Variants in HDHD5 observed in about 807,000 individuals in gnomAD.
HDHD5 encodes haloacid dehalogenase-like hydrolase domain-containing 5.
In HDHD5, 34 loss-of-function variants were observed where a neutral mutation model predicts 35.5. The ratio of observed to expected loss-of-function variants is 0.96; its 90% confidence interval spans 0.73 to 1.28. HDHD5 has a LOEUF of 1.28. Ranked by LOEUF, HDHD5 falls within the 50% of genes most tolerant of loss-of-function variation. The probability of loss-of-function intolerance (pLI) is 0.00; values close to 1 mark genes in which losing one functional copy is unlikely to be tolerated. For missense variants in HDHD5, 589 were observed against 560.2 expected (o/e 1.05, Z -0.52); for synonymous variants, 248 against 240.6 (o/e 1.03, Z -0.29).
At chr22:17,147,455 G>A (rs174792) in intron 3 of HDHD5, among the ~76,000 whole-genome samples, 2 of 104,952 alleles carry the variant, frequency 1.9e-5, no homozygotes, top group Non-Finnish European at 3.8e-5. Flanking sequence ...ACATGCCATC[G>A]CACACGCTCC....
At chr22:17,157,115 A>ACACACACACACACACAC (rs1244963563) in intron 1 of HDHD5, among the ~76,000 whole-genome samples, 1 of 80,962 alleles carries the variant, frequency 1.2e-5, no homozygotes, top group African/African-American at 4.5e-5. Context: ...CACACACACA[A>ACACACACACACACACAC]AAGAAAAAAG....
chr22:17,141,435 A>T (rs1601379821), intron 5 of HDHD5: 2 of 1,358,368 alleles, frequency 1.5e-6, no homozygotes, highest in Non-Finnish European at 1.9e-6. Context: ...CAGGAAGGAG[A>T]TTCCTGAGGG....
intron 1 of HDHD5, among the ~76,000 whole-genome samples, chr22:17,155,026 G>A (rs1486331632): frequency 6.6e-6 from 1 of 152,144 alleles, no homozygotes; most frequent in Non-Finnish European, 1.5e-5. Context: ...ACAAAAAAAG[G>A]AGGAGGGAGA....
At position 17,146,173 on chromosome 22, in the gene HDHD5, C is replaced by T. The variant is rs1279621924; in HGVS notation, c.444-1056G>A. The stretch of plus-strand genomic sequence containing the variant: ...TGTTCTTTCCTTCCTCTCCCTATCC[C>T]ATTCCCAACCTCCTACTTCCCCTGC... On this transcript the variant is annotated intron_variant, in intron 3 of 7. Coordinates refer to ENST00000336737, the MANE Select transcript of HDHD5 (RefSeq NM_033070.3). Among the ~76,000 whole-genome samples, 3 of 152,080 alleles carry T rather than the reference C, an allele frequency of 2.0e-5. No homozygotes were observed. The East Asian group carries it at 5.8e-4, about 29-fold the overall frequency.
chr22:17,149,206 G>GACAGCACTCCTTCAGGTGC (rs2123865864), intron 2 of HDHD5, among the ~76,000 whole-genome samples: 1 of 152,298 alleles, frequency 6.6e-6, no homozygotes, highest in Admixed American at 6.5e-5. Context: ...GGCTGAGGAG[G>GACAGCACTCCTTCAGGTGC]ACAGCACTCC....
chr22:17,152,554 T>C (rs369046544), intron 1 of HDHD5, among the ~76,000 whole-genome samples: 6 of 151,924 alleles, frequency 3.9e-5, no homozygotes, highest in Middle Eastern at 3.2e-3. Context: ...CGAGAGGTCA[T>C]TGGAGGATAC....
At chr22:17,141,311 A>G in intron 5 of HDHD5, 78 bp from the exon 6 acceptor site, 1 of 1,500,564 alleles carries the variant, frequency 6.7e-7, no homozygotes, top group Non-Finnish European at 8.8e-7. Context: ...AGCTAGGGCT[A>G]CCCATCCACA....
intron 6 of HDHD5, among the ~76,000 whole-genome samples, chr22:17,139,445 T>C (rs933286625): frequency 6.6e-6 from 1 of 151,716 alleles, no homozygotes; most frequent in Admixed American, 6.6e-5. Context: ...GGAGAATCAC[T>C]TGAACCCGGG....
chr22:17,140,578 C>T (rs2123849474), intron 6 of HDHD5, among the ~76,000 whole-genome samples: 1 of 152,246 alleles, frequency 6.6e-6, no homozygotes, highest in Admixed American at 6.5e-5. Flanking sequence ...GAGTGAGACA[C>T]TGTCCCCGCA....
chr22:17,143,168 C>T (rs749717734), intron 4 of HDHD5, 37 bp from the exon 5 acceptor site: 8 of 1,598,990 alleles, frequency 5.0e-6, no homozygotes, highest in East Asian at 4.5e-5. Context: ...CAACACAAGT[C>T]GCCTTCCACT....
chr22:17,156,248 T>C (rs1290879422), intron 1 of HDHD5, among the ~76,000 whole-genome samples: 1 of 152,198 alleles, frequency 6.6e-6, no homozygotes, highest in Non-Finnish European at 1.5e-5. Flanking sequence ...ATCAATTACC[T>C]GACCCGACCT....
chr22:17,145,594 G>A (rs1427792016), intron 3 of HDHD5, among the ~76,000 whole-genome samples: 6 of 152,046 alleles, frequency 3.9e-5, no homozygotes, highest in African/African-American at 1.2e-4. Context: ...CAGGAGGCTG[G>A]GGCAGGAGGA....
intron 3 of HDHD5, among the ~76,000 whole-genome samples, chr22:17,148,170 C>A: frequency 6.6e-6 from 1 of 152,212 alleles, no homozygotes; most frequent in Non-Finnish European, 1.5e-5. Flanking sequence ...GAGTTTTACC[C>A]GAGACCTAGT....
intron 3 of HDHD5, among the ~76,000 whole-genome samples, chr22:17,147,987 G>C (rs751386703): frequency 1.3e-5 from 2 of 152,198 alleles, no homozygotes; most frequent in African/African-American, 4.8e-5. Flanking sequence ...TGCTTAAAAC[G>C]GGCCAGGTAT....
At chr22:17,143,696 G>C (rs1274850174) in intron 4 of HDHD5, 1 of 152,510 alleles carries the variant, frequency 6.6e-6, no homozygotes, top group Non-Finnish European at 1.5e-5. Flanking sequence ...CACAGAACTT[G>C]CACAGGTCAG....
rs1215146915 is a variant in HDHD5, at chr22:17,149,164, T to A, written c.330+378A>T. ...TTCACCCTCAACAAACAAGAATGCATCAAAGTTGGGATATGGTGCAGGGCT... is the reference window on the plus strand; with the variant it reads ...TTCACCCTCAACAAACAAGAATGCAACAAAGTTGGGATATGGTGCAGGGCT... On this transcript the variant is annotated intron_variant, in intron 2 of 7. Coordinates refer to ENST00000336737, the MANE Select transcript of HDHD5 (RefSeq NM_033070.3). Among the ~76,000 whole-genome samples the A allele has an allele frequency of 2.6e-5, 4 of 152,122 alleles. No individual in the cohort carries two copies. In the East Asian group the frequency reaches 5.8e-4, roughly 22 times the overall value.
At chr22:17,144,021 A>G (rs1568941576) in intron 4 of HDHD5, among the ~76,000 whole-genome samples, 1 of 152,216 alleles carries the variant, frequency 6.6e-6, no homozygotes, top group Non-Finnish European at 1.5e-5. Context: ...GCAGATGTGC[A>G]GACTGACCAG....
Position 17,137,961 on chromosome 22 carries a change from C to T in HDHD5, c.*60G>A. ...CTGAGCCCAGTGATCAGGCCAGAGC[C>T]CAGCCAATGGGACTCGCCCACAGGT... On this transcript the variant is annotated 3_prime_UTR_variant, in exon 8 of 8. Transcript: ENST00000336737. The T allele has an allele frequency of 1.4e-6, 2 of 1,451,206 alleles. No individual in the cohort carries two copies. Among genetic ancestry groups the T allele is most frequent in the East Asian group, 2.3e-5 (1 of 42,746 alleles). The allele number at this position is 1,451,206 out of a possible 1,614,324, so 89.9% of individuals were successfully genotyped here.
At position 17,138,705 on chromosome 22, in the gene HDHD5, T is replaced by C; in HGVS notation, c.780A>G (p.Glu260=). 6.2e-7 allele frequency: 1 copy of C among 1,614,202 alleles called. No homozygotes were observed. The highest frequency in any genetic ancestry group is 8.5e-7 in the Non-Finnish European group (1 of 1,180,038). Residue 260 remains glutamate, a synonymous_variant, in exon 7 of 8, where the codon GAA becomes GAG. Transcript: ENST00000336737. ...TGCCCGTCACTTTCTGGTAAATGGT[T>C]TCCAGGCACAGCAGAAAGGTGCCAT... ...FGHGTFLLCL[E]TIYQKVTGKE...
Sources: allele counts gnomAD v4.1 joint callset (sites outside exome capture counted in the v4.1 genomes callset), GRCh38; gene constraint gnomAD v4.1.1; transcripts MANE v1.5; gene names NCBI Gene and HGNC (gene_info 2026-07-23, HGNC 2026-07-21).